Variants in TNR observed in about 807,000 individuals in gnomAD.
TNR encodes tenascin-R.
A neutral mutation model predicts 150.4 loss-of-function variants in TNR; 45 were observed. That is an observed-to-expected ratio of 0.30 (90% CI 0.24 to 0.38). The LOEUF is 0.38. TNR is among the 10% of genes least tolerant of loss of function. TNR has a pLI of 1.00. For missense variants in TNR, 1,544 were observed against 1,759.1 expected, an observed-to-expected ratio of 0.88 and a Z score of 2.19; for synonymous variants, 687 against 678.4, an observed-to-expected ratio of 1.01 and a Z score of -0.20.
chr1:175,545,367 G>A (rs1310846927), intron 1 of TNR, among the ~76,000 whole-genome samples: 1 of 152,034 alleles, frequency 6.6e-6, no homozygotes, highest in Non-Finnish European at 1.5e-5. Context: ...GATTATCAGT[G>A]TAGATTACTT....
chr1:175,631,710 G>T (rs1664333422), intron 1 of TNR, among the ~76,000 whole-genome samples: 1 of 152,158 alleles, frequency 6.6e-6, no homozygotes. Context: ...GTGTGAGGGT[G>T]TGTGTGTTTG....
At chr1:175,705,061 G>C (rs1666809074) in intron 1 of TNR, among the ~76,000 whole-genome samples, 1 of 152,158 alleles carries the variant, frequency 6.6e-6, no homozygotes, top group Admixed American at 6.5e-5. Flanking sequence ...AGGGCAGGAA[G>C]GTCTCAAACG....
intron 1 of TNR, among the ~76,000 whole-genome samples, chr1:175,574,140 C>T (rs2102222372): frequency 6.6e-6 from 1 of 152,184 alleles, no homozygotes; most frequent in South Asian, 2.1e-4. Flanking sequence ...GGATCCTAAA[C>T]CTAGTTAAGT....
intron 1 of TNR, among the ~76,000 whole-genome samples, chr1:175,670,582 G>T (rs143382618): frequency 1.1e-3 from 167 of 152,292 alleles, no homozygotes; most frequent in African/African-American, 3.9e-3. Flanking sequence ...AACACAAAGT[G>T]CCACAAGTGA....
chr1:175,540,324 G>C (rs574567624), intron 1 of TNR, among the ~76,000 whole-genome samples: 1 of 152,300 alleles, frequency 6.6e-6, no homozygotes, highest in East Asian at 1.9e-4. Context: ...GAATCCTTCA[G>C]CTCCAGGGTT....
At chr1:175,671,026 C>T (rs1044743740) in intron 1 of TNR, among the ~76,000 whole-genome samples, 1 of 151,896 alleles carries the variant, frequency 6.6e-6, no homozygotes, top group South Asian at 2.1e-4. Context: ...GGAACTCAGG[C>T]CATGACATGG....
intron 1 of TNR, among the ~76,000 whole-genome samples, chr1:175,574,239 C>G (rs1172266831): frequency 6.6e-6 from 1 of 152,218 alleles, no homozygotes; most frequent in East Asian, 1.9e-4. Context: ...AGACCCAAGT[C>G]CAGTTCTCGC....
At chr1:175,337,404 G>T in intron 19 of TNR, 124 bp downstream of exon 19, 1 of 1,137,518 alleles carries the variant, frequency 8.8e-7, no homozygotes, top group Non-Finnish European at 1.3e-6. Context: ...GCCCCAAGAT[G>T]GACATGTGGG....
intron 1 of TNR, among the ~76,000 whole-genome samples, chr1:175,573,544 C>T (rs910505461): frequency 1.3e-5 from 2 of 152,214 alleles, no homozygotes; most frequent in Non-Finnish European, 2.9e-5. Flanking sequence ...GCAAATGCTA[C>T]ACTGTAAGGA....
intron 1 of TNR, among the ~76,000 whole-genome samples, chr1:175,662,923 T>A (rs1021961820): frequency 1.3e-5 from 2 of 152,216 alleles, no homozygotes; most frequent in Non-Finnish European, 2.9e-5. Flanking sequence ...CAGATAGAAT[T>A]GTATTCAAAT....
chr1:175,472,756 G>C (rs950485226), intron 2 of TNR, among the ~76,000 whole-genome samples: 1 of 152,200 alleles, frequency 6.6e-6, no homozygotes, highest in African/African-American at 2.4e-5. Context: ...TCGGAGGAAG[G>C]AGGGTATGTA....
At chr1:175,605,926 A>T (rs1663391087) in intron 1 of TNR, among the ~76,000 whole-genome samples, 1 of 152,166 alleles carries the variant, frequency 6.6e-6, no homozygotes, top group Non-Finnish European at 1.5e-5. Flanking sequence ...CTATCAGAAG[A>T]GCTGGCGAGA....
intron 1 of TNR, among the ~76,000 whole-genome samples, chr1:175,742,518 T>G (rs1008944502): frequency 6.6e-6 from 1 of 152,130 alleles, no homozygotes; most frequent in Non-Finnish European, 1.5e-5. Context: ...AGCCAGTCTC[T>G]GCAAAGCTCA....
chr1:175,397,112 C>T (rs555666180), intron 4 of TNR, among the ~76,000 whole-genome samples: 1 of 152,108 alleles, frequency 6.6e-6, no homozygotes, highest in African/African-American at 2.4e-5. Flanking sequence ...ATTAAAGATT[C>T]AATTTTATAA....
intron 1 of TNR, among the ~76,000 whole-genome samples, chr1:175,614,703 T>C (rs765126996): frequency 9.9e-5 from 15 of 152,204 alleles, no homozygotes; most frequent in Non-Finnish European, 8.8e-5. Context: ...AGGGCTCCCC[T>C]GCCGTGTTCC....
chr1:175,410,547 C>G (rs1248562138), intron 2 of TNR, among the ~76,000 whole-genome samples: 1 of 152,170 alleles, frequency 6.6e-6, no homozygotes, highest in East Asian at 1.9e-4. Context: ...GGTGGGGTGG[C>G]CATCAGTGTC....
chr1:175,418,580 G>T (rs1301060319), intron 2 of TNR, among the ~76,000 whole-genome samples: 1 of 152,168 alleles, frequency 6.6e-6, no homozygotes, highest in East Asian at 1.9e-4. Context: ...AAATTAGTTG[G>T]GCGTGGTGGC....
At chr1:175,672,964 C>T (rs1057096860) in intron 1 of TNR, among the ~76,000 whole-genome samples, 5 of 152,158 alleles carry the variant, frequency 3.3e-5, no homozygotes, top group Admixed American at 6.5e-5. Flanking sequence ...CCTGCCACAG[C>T]GCTGCTCCAA....
At chr1:175,520,206 G>C (rs980498718) in intron 2 of TNR, among the ~76,000 whole-genome samples, 56 of 152,180 alleles carry the variant, frequency 3.7e-4, no homozygotes, top group Non-Finnish European at 1.2e-4. Flanking sequence ...GGTAGACTGA[G>C]CTCTAAAGTC....
Sources: allele counts gnomAD v4.1 joint callset (sites outside exome capture counted in the v4.1 genomes callset), GRCh38; gene constraint gnomAD v4.1.1; transcripts MANE v1.5; gene names NCBI Gene and HGNC (gene_info 2026-07-23, HGNC 2026-07-21).